The following GALNT17 variants were observed in gnomAD, a reference collection of about 807,000 sequenced individuals.
GALNT17 encodes polypeptide N-acetylgalactosaminyltransferase 17.
Under a neutral mutation model 63.7 loss-of-function variants are expected in GALNT17, and 29 were observed. The ratio of observed to expected loss-of-function variants is 0.46; its 90% confidence interval spans 0.34 to 0.62. The LOEUF (loss-of-function observed/expected upper bound fraction) is 0.62. GALNT17 is among the 20% of genes least tolerant of loss of function. The pLI is 0.01. For missense variants in GALNT17, 603 were observed against 799.6 expected (o/e 0.75, Z 2.97); for synonymous variants, 305 against 318.3 (o/e 0.96, Z 0.45).
intron 1 of GALNT17, among the ~76,000 whole-genome samples, chr7:71,206,416 G>A (rs1789272998): frequency 6.6e-6 from 1 of 151,992 alleles, no homozygotes; most frequent in Non-Finnish European, 1.5e-5. Flanking sequence ...CAGAGGCAGC[G>A]GGAGAAGCAG....
At chr7:71,552,527 G>A (rs1002783755) in intron 5 of GALNT17, among the ~76,000 whole-genome samples, 4 of 149,694 alleles carry the variant, frequency 2.7e-5, no homozygotes, top group African/African-American at 7.4e-5. Flanking sequence ...TACAGTCTCT[G>A]CCTCCCAGGG....
intron 9 of GALNT17, among the ~76,000 whole-genome samples, chr7:71,686,295 A>T (rs1791358229): frequency 6.6e-6 from 1 of 151,878 alleles, no homozygotes; most frequent in Admixed American, 6.6e-5. Context: ...GGTTTTAGCA[A>T]GCACATGTGA....
intron 3 of GALNT17, among the ~76,000 whole-genome samples, chr7:71,396,288 G>A (rs1271979039): frequency 1.3e-5 from 2 of 151,998 alleles, no homozygotes; most frequent in Non-Finnish European, 2.9e-5. Context: ...GCTAATTTTT[G>A]TATATGGTTT....
intron 9 of GALNT17, among the ~76,000 whole-genome samples, chr7:71,684,825 A>G (rs1791328259): frequency 6.6e-6 from 1 of 151,952 alleles, no homozygotes; most frequent in Non-Finnish European, 1.5e-5. Context: ...CACCACACCC[A>G]GCTAATTTTT....
intron 2 of GALNT17, among the ~76,000 whole-genome samples, chr7:71,356,958 T>G (rs1261258678): frequency 6.6e-6 from 1 of 151,916 alleles, no homozygotes; most frequent in African/African-American, 2.4e-5. Flanking sequence ...ATTTTTGTAT[T>G]TTTAGTAGAG....
At chr7:71,271,997 A>G (rs1368761760) in intron 1 of GALNT17, among the ~76,000 whole-genome samples, 1 of 152,198 alleles carries the variant, frequency 6.6e-6, no homozygotes, top group Non-Finnish European at 1.5e-5. Context: ...GGGCTCAAGC[A>G]GTCCTCCTGC....
chr7:71,160,600 A>G (rs947599096), intron 1 of GALNT17, among the ~76,000 whole-genome samples: 4 of 152,144 alleles, frequency 2.6e-5, no homozygotes, highest in Non-Finnish European at 5.9e-5. Flanking sequence ...CTGGGATTAC[A>G]GGTGCCTGCT....
intron 5 of GALNT17, among the ~76,000 whole-genome samples, chr7:71,475,311 T>C (rs577979480): frequency 1.8e-4 from 27 of 152,298 alleles, no homozygotes; most frequent in Non-Finnish European, 2.9e-4. Context: ...AATGAAAGAA[T>C]TATACAACTC....
chr7:71,456,394 A>G (rs543164689), intron 5 of GALNT17, among the ~76,000 whole-genome samples: 2 of 152,072 alleles, frequency 1.3e-5, no homozygotes, highest in South Asian at 4.2e-4. Flanking sequence ...ATGATATTAA[A>G]TTCATATTTT....
intron 1 of GALNT17, among the ~76,000 whole-genome samples, chr7:71,286,046 C>T (rs1026539011): frequency 2.0e-5 from 3 of 152,146 alleles, no homozygotes; most frequent in Admixed American, 1.3e-4. Flanking sequence ...ACTGTGTGCT[C>T]CCCCAGCCCC....
chr7:71,614,895 G>A (rs1461273758), intron 6 of GALNT17, among the ~76,000 whole-genome samples: 1 of 140,164 alleles, frequency 7.1e-6, no homozygotes, highest in African/African-American at 2.7e-5. Flanking sequence ...GAGGGAGGGA[G>A]GGAGGGAGGG....
intron 1 of GALNT17, among the ~76,000 whole-genome samples, chr7:71,253,403 A>G (rs1406425235): frequency 6.6e-6 from 1 of 152,174 alleles, no homozygotes; most frequent in African/African-American, 2.4e-5. Flanking sequence ...AACTGCCCCC[A>G]TGATTCGATG....
chr7:71,298,432 CAG>C (rs1418828018), intron 1 of GALNT17, among the ~76,000 whole-genome samples: 2 of 152,000 alleles, frequency 1.3e-5, no homozygotes, highest in African/African-American at 4.8e-5. Flanking sequence ...TATATATAAA[CAG>C]AAATAAAATA....
At chr7:71,225,084 T>C (rs936958752) in intron 1 of GALNT17, among the ~76,000 whole-genome samples, 4 of 152,146 alleles carry the variant, frequency 2.6e-5, no homozygotes, top group Non-Finnish European at 5.9e-5. Context: ...TTCTCTTGCC[T>C]CAGCCTCCCG....
At chr7:71,208,791 A>T (rs1166406988) in intron 1 of GALNT17, among the ~76,000 whole-genome samples, 1 of 152,022 alleles carries the variant, frequency 6.6e-6, no homozygotes, top group East Asian at 1.9e-4. Context: ...TAATATTTTA[A>T]TTTTTTTCTT....
intron 1 of GALNT17, among the ~76,000 whole-genome samples, chr7:71,293,551 TC>T (rs1791022678): frequency 6.6e-6 from 1 of 152,226 alleles, no homozygotes; most frequent in Non-Finnish European, 1.5e-5. Flanking sequence ...TCAGATTATT[TC>T]TTTTTTGCTG....
At chr7:71,416,330 G>A (rs960944919) in intron 4 of GALNT17, among the ~76,000 whole-genome samples, 39 of 152,152 alleles carry the variant, frequency 2.6e-4, no homozygotes, top group African/African-American at 9.2e-4. Flanking sequence ...TGTTTTATCA[G>A]GCTGGGCATG....
chr7:71,688,901 C>T (rs1791401084), intron 9 of GALNT17, among the ~76,000 whole-genome samples: 1 of 152,158 alleles, frequency 6.6e-6, no homozygotes. Context: ...AGGGTTGTGG[C>T]AACGTGACAT....
At chr7:71,452,766 G>A (rs1236695654) in intron 5 of GALNT17, among the ~76,000 whole-genome samples, 1 of 152,206 alleles carries the variant, frequency 6.6e-6, no homozygotes, top group Non-Finnish European at 1.5e-5. Context: ...CTGATAAAAA[G>A]GGGCCTCTCT....
Sources: gnomAD v4.1 joint callset for allele counts (sites outside exome capture counted in the v4.1 genomes callset) on GRCh38, gnomAD v4.1.1 for gene constraint, MANE v1.5 for transcripts, NCBI Gene and HGNC (gene_info 2026-07-23, HGNC 2026-07-21) for gene names.